Variants in BSND observed in about 807,000 individuals in gnomAD.
BSND encodes the protein barttin.
BSND carries 13 observed loss-of-function variants against 18.8 expected under a neutral mutation model. The observed-to-expected ratio is 0.69, with a 90% CI of 0.45 to 1.10. The LOEUF (loss-of-function observed/expected upper bound fraction) is 1.10, where lower values mean the gene tolerates loss of function less well. Ranked by LOEUF, BSND falls within the 50% of genes least tolerant of loss-of-function variation. BSND has a pLI of 0.00. For missense variants in BSND, 379 were observed against 416.7 expected (o/e 0.91, Z 0.79); for synonymous variants, 170 against 161.8 (o/e 1.05, Z -0.39).
chr1:55,008,427 A>G lies in BSND; in HGVS notation c.762A>G (p.Gln254=), dbSNP rs1392066843. Residue 254 remains glutamine (Q), a synonymous_variant, in exon 4 of 4, where the codon CAA becomes CAG. Transcript: ENST00000651561. ...CCCCAACGTTGGAGGATGAGCCCCAAGAGGGGCAGCAGTGGGAAATAGCCC... is the reference window on the plus strand; with the variant it reads ...CCCCAACGTTGGAGGATGAGCCCCAGGAGGGGCAGCAGTGGGAAATAGCCC... ...IDAPTLEDEP[Q]EGQQWEIALP... 6.2e-7 allele frequency: 1 copy of G among 1,614,206 alleles called. No homozygotes were observed. The highest frequency in any genetic ancestry group is 1.1e-5 in the South Asian group (1 of 91,080).
chr1:55,000,754 C>A (rs1250463913), intron 1 of BSND, among the ~76,000 whole-genome samples: 1 of 152,248 alleles, frequency 6.6e-6, no homozygotes, highest in South Asian at 2.1e-4. Context: ...CTGTGCAATT[C>A]CTTGAGCAGA....
At position 54,999,299 on chromosome 1, in the gene BSND, A is replaced by T. The variant is rs376575523; in HGVS notation, c.113A>T (p.Tyr38Phe). Residue 38 changes from tyrosine (Y) to phenylalanine (F), a missense_variant, in exon 1 of 4, where the codon TAT becomes TTT. Coordinates refer to ENST00000651561, the MANE Select transcript of BSND (RefSeq NM_057176.3). ...HDRPQVYGTF[Y>F]AMGSVMVIGG... Reference sequence around the variant, plus strand: ...CGGCCCCAGGTCTACGGCACCTTCTATGCCATGGGCAGCGTCATGGTGATC... The same window carrying T: ...CGGCCCCAGGTCTACGGCACCTTCTTTGCCATGGGCAGCGTCATGGTGATC... 1.2e-6 allele frequency: 2 copies of T among 1,613,826 alleles called. No individual in the cohort carries two copies. Among genetic ancestry groups the T allele is most frequent in the Admixed American group, 3.3e-5 (2 of 60,006 alleles).
Position 54,999,028 on chromosome 1 carries a change from C to A in BSND, c.-159C>A. On this transcript the variant is annotated 5_prime_UTR_variant, in exon 1 of 4. In the 5' UTR this introduces an upstream ATG that the reference lacks. Transcript: ENST00000651561. ...CCTGTTGAACTGGTGGGCCCAGGGA[C>A]TGGAGCGGGATTGAAAGGGATCTTG... The A allele has an allele frequency of 1.2e-6, 1 of 840,056 alleles. No individual in the cohort carries two copies. Among genetic ancestry groups the A allele is most frequent in the Non-Finnish European group, 1.8e-6 (1 of 540,826 alleles). The allele number at this position is 840,056 out of a possible 1,614,324, so 52.0% of individuals were successfully genotyped here.
rs763620250 is a variant in BSND, at chr1:54,999,261, C to T, written c.75C>T (p.Leu25=). The T allele has an allele frequency of 1.5e-5, 24 of 1,614,146 alleles. No individual in the cohort carries two copies. The East Asian group carries it at 4.0e-4, about 27-fold the overall frequency. The change falls in exon 1 of 4, where the codon CTC becomes CTT. Residue 25 remains leucine (L), a synonymous_variant. Coordinates refer to ENST00000651561, the MANE Select transcript of BSND (RefSeq NM_057176.3). ...TCCTGCTGGCCCTCGGTACGTTCCTCATGAGCCATGATCGGCCCCAGGTCT... is the reference window on the plus strand; with the variant it reads ...TCCTGCTGGCCCTCGGTACGTTCCTTATGAGCCATGATCGGCCCCAGGTCT... ...GLFLLALGTF[L]MSHDRPQVYG...
rs563130435 is a variant in BSND, at chr1:55,008,366, C to T, written c.701C>T (p.Pro234Leu). The change falls in exon 4 of 4, where the codon CCG (proline) becomes CTG (leucine). Residue 234 changes from proline (P) to leucine (L), a missense_variant. Physicochemically the swap from Pro to Leu is moderately conservative, Grantham distance 98. Transcript: ENST00000651561. ...PQQEPQGCRC[P>L]LDRFQDFALI... ...CAGGAACCTCAGGGCTGCAGGTGCCCGCTGGACCGCTTCCAAGACTTTGCC... is the reference window on the plus strand; with the variant it reads ...CAGGAACCTCAGGGCTGCAGGTGCCTGCTGGACCGCTTCCAAGACTTTGCC... The T allele has an allele frequency of 4.0e-5, 65 of 1,614,192 alleles. No homozygotes were observed. The highest frequency in any genetic ancestry group is 1.6e-4 in the Middle Eastern group (1 of 6,062).
rs1426323605 is a variant in BSND, at chr1:55,015,341, G to A, written c.*6713G>A. ...ACCACAAATCCAGCAGAGCAGGGCA[G>A]GGAACCCTGTGGCAGAGGCTGTTGC... On this transcript the variant is annotated 3_prime_UTR_variant, in exon 4 of 4. Transcript: ENST00000651561. Among the ~76,000 whole-genome samples the A allele has an allele frequency of 1.3e-5, 2 of 152,220 alleles. No individual in the cohort carries two copies. Among genetic ancestry groups the A allele is most frequent in the Non-Finnish European group, 2.9e-5 (2 of 68,032 alleles).
In BSND at chr1:55,008,671, C is replaced by A. The variant is rs755150850; in HGVS notation, c.*43C>A. 6.2e-7 allele frequency: 1 copy of A among 1,613,660 alleles called. No homozygotes were observed. The highest frequency in any genetic ancestry group is 1.1e-5 in the South Asian group (1 of 91,054). On this transcript the variant is annotated 3_prime_UTR_variant, in exon 4 of 4. Coordinates refer to ENST00000651561, the MANE Select transcript of BSND (RefSeq NM_057176.3). ...GCTTCTAGTCTGGAACTGCTGCTGA[C>A]CCCTGTGTGACATCACAGGGCCTCA...
chr1:55,005,091 A>T lies in BSND; in HGVS notation c.247A>T (p.Asn83Tyr). Residue 83 changes from asparagine (N) to tyrosine (Y), a missense_variant, in exon 2 of 4, where the codon AAT becomes TAT. Asn to Tyr is a moderately radical substitution (Grantham distance 143). Coordinates refer to ENST00000651561, the MANE Select transcript of BSND (RefSeq NM_057176.3). ...CCCAAAGGCCATGGGCCTGCTGGAG[A>T]ATGGGCTTGCTGCCGAGATGAAGAG... is the stretch of plus-strand genomic sequence containing the variant. ...LSPKAMGLLENGLAAEMKSPS... is the reference protein window; with the variant it reads ...LSPKAMGLLEYGLAAEMKSPS... 1 of 1,614,134 alleles carries T rather than the reference A, an allele frequency of 6.2e-7. No homozygotes were observed. Among genetic ancestry groups the T allele is most frequent in the Non-Finnish European group, 8.5e-7 (1 of 1,180,026 alleles).
rs754819005 is a variant in BSND, at chr1:55,008,409, G to A, written c.744G>A (p.Thr248=). The stretch of plus-strand genomic sequence containing the variant: ...ACTTTGCCCTGATTGATGCCCCAAC[G>A]TTGGAGGATGAGCCCCAAGAGGGGC... ...FQDFALIDAP[T]LEDEPQEGQQ... is the part of the protein sequence containing the mutation. Residue 248 remains threonine (T), a synonymous_variant, in exon 4 of 4, where the codon ACG becomes ACA. Coordinates refer to ENST00000651561, the MANE Select transcript of BSND (RefSeq NM_057176.3). 22 of 1,614,102 alleles carry A rather than the reference G, an allele frequency of 1.4e-5. No homozygotes were observed. The highest frequency in any genetic ancestry group is 7.7e-5 in the South Asian group (7 of 91,086).
rs143711308 is a variant in BSND at position 55,007,251 on chromosome 1, G to C, written c.527G>C (p.Arg176Pro). Residue 176 changes from arginine (R) to proline (P), a missense_variant, in exon 3 of 4, where the codon CGC (arginine) becomes CCC (proline). Physicochemically the swap from Arg to Pro is moderately radical, Grantham distance 103. Coordinates refer to ENST00000651561, the MANE Select transcript of BSND (RefSeq NM_057176.3). ...KGSDESEGER[R>P]LTQSWPGPLA... ...TCAGACGAGAGTGAAGGGGAAAGACGCCTAACTCAGAGCTGGCCCGGGTGA... is the reference window on the plus strand; with the variant it reads ...TCAGACGAGAGTGAAGGGGAAAGACCCCTAACTCAGAGCTGGCCCGGGTGA... 1.1e-5 allele frequency: 18 copies of C among 1,607,682 alleles called. No individual in the cohort carries two copies. Among genetic ancestry groups the C allele is most frequent in the Non-Finnish European group, 1.4e-5 (17 of 1,175,622 alleles).
rs755527408 is a variant in BSND, at chr1:55,007,287, G to A, written c.548+15G>A. 1 of 1,585,938 alleles carries A rather than the reference G, an allele frequency of 6.3e-7. No individual in the cohort carries two copies. Among genetic ancestry groups the A allele is most frequent in the East Asian group, 2.2e-5 (1 of 44,508 alleles). On this transcript the variant is annotated intron_variant, in intron 3 of 3. Transcript: ENST00000651561. ...AGCTGGCCCGGGTGAGTGCTTAGAGGGCAGGAGTGGGGCTTCTGCCCAGTT... is the reference window on the plus strand; with the variant it reads ...AGCTGGCCCGGGTGAGTGCTTAGAGAGCAGGAGTGGGGCTTCTGCCCAGTT...
chr1:54,999,267 C>G lies in BSND; in HGVS notation c.81C>G (p.Ser27Arg). The change falls in exon 1 of 4, where the codon AGC becomes AGG. Residue 27 changes from serine (S) to arginine (R), a missense_variant. Coordinates refer to ENST00000651561, the MANE Select transcript of BSND (RefSeq NM_057176.3). The part of the protein sequence containing the change: ...FLLALGTFLM[S>R]HDRPQVYGTF... ...TGGCCCTCGGTACGTTCCTCATGAG[C>G]CATGATCGGCCCCAGGTCTACGGCA... 2 of 1,614,150 alleles carry G rather than the reference C, an allele frequency of 1.2e-6. No individual in the cohort carries two copies. The highest frequency in any genetic ancestry group is 1.7e-6 in the Non-Finnish European group (2 of 1,180,036).
chr1:54,999,855 G>A (rs574893340), intron 1 of BSND, among the ~76,000 whole-genome samples: 1 of 152,294 alleles, frequency 6.6e-6, no homozygotes, highest in South Asian at 2.1e-4. Context: ...CCTTCACCTT[G>A]GGTCTTCTAC....
rs1418368342 is a variant in BSND at position 55,012,430 on chromosome 1, C to A, written c.*3802C>A. On this transcript the variant is annotated 3_prime_UTR_variant, in exon 4 of 4. Transcript: ENST00000651561. Reference sequence around the variant, plus strand: ...GACCTGGTTTTACCTTCAGCCTCAGCCAGTTCCTTGCTGTGTGGCCTTGGA... The same window carrying A: ...GACCTGGTTTTACCTTCAGCCTCAGACAGTTCCTTGCTGTGTGGCCTTGGA... Among the ~76,000 whole-genome samples, 1 of 152,204 alleles carries A rather than the reference C, an allele frequency of 6.6e-6. No individual in the cohort carries two copies. The highest frequency in any genetic ancestry group is 2.4e-5 in the African/African-American group (1 of 41,452).
At chr1:55,000,648 C>T (rs1052770527) in intron 1 of BSND, among the ~76,000 whole-genome samples, 4 of 152,240 alleles carry the variant, frequency 2.6e-5, no homozygotes, top group East Asian at 1.9e-4. Context: ...GCCCCCTCCA[C>T]GGGCCAACCC....
chr1:55,008,237 C>T lies in BSND; in HGVS notation c.572C>T (p.Pro191Leu), dbSNP rs1184835309. The T allele has an allele frequency of 3.1e-6, 5 of 1,614,194 alleles. No homozygotes were observed. The highest frequency in any genetic ancestry group is 4.2e-6 in the Non-Finnish European group (5 of 1,180,028). ...WPGPLACPQG[P>L]APLASFQDDL... The stretch of plus-strand genomic sequence containing the variant: ...AGCCCCCTGGCCTGTCCCCAGGGCC[C>T]TGCCCCCTTGGCTTCCTTCCAAGAT... Residue 191 changes from proline to leucine, a missense_variant, in exon 4 of 4, where the codon CCT (proline) becomes CTT (leucine). Coordinates refer to ENST00000651561, the MANE Select transcript of BSND (RefSeq NM_057176.3).
At chr1:54,999,891 C>T (rs1644353190) in intron 1 of BSND, among the ~76,000 whole-genome samples, 1 of 152,196 alleles carries the variant, frequency 6.6e-6, no homozygotes, top group Admixed American at 6.5e-5. Context: ...CGACTGAGAG[C>T]TCCAGGGTAG....
At position 55,016,601 on chromosome 1, in the gene BSND, G is replaced by GTTGT. The variant is rs71048724; in HGVS notation, c.*7983_*7986dup. On this transcript the variant is annotated 3_prime_UTR_variant, in exon 4 of 4. Coordinates refer to ENST00000651561, the MANE Select transcript of BSND (RefSeq NM_057176.3). ...TTATTCTAGTTTTGTTGTTGTTGTT[G>GTTGT]TTGTTTGTTTGTTGTTTTGAGACAA... Among the ~76,000 whole-genome samples, 84,025 of 151,290 alleles carry GTTGT rather than the reference G, an allele frequency of 0.56. 23,693 individuals carry two copies. The highest frequency in any genetic ancestry group is 0.61 in the African/African-American group (25,092 of 41,160).
At position 55,007,126 on chromosome 1, in the gene BSND, T is replaced by C. The variant is rs146647907; in HGVS notation, c.402T>C (p.Pro134=). Residue 134 remains proline (P), a synonymous_variant, in exon 3 of 4, where the codon CCT becomes CCC. Coordinates refer to ENST00000651561, the MANE Select transcript of BSND (RefSeq NM_057176.3). ...AGGACCACCGCTCCTTGCTGGCCCC[T>C]GAGATGGGGCAGCCGAAGCTGGGAA... The part of the protein sequence containing the change: ...YSEDHRSLLA[P]EMGQPKLGTS... The C allele has an allele frequency of 1.2e-6, 2 of 1,613,980 alleles. No individual in the cohort carries two copies. Among genetic ancestry groups the C allele is most frequent in the African/African-American group, 2.7e-5 (2 of 74,880 alleles).
Sources: allele counts gnomAD v4.1 joint callset (sites outside exome capture counted in the v4.1 genomes callset), GRCh38; gene constraint gnomAD v4.1.1; transcripts MANE v1.5; gene names NCBI Gene and HGNC (gene_info 2026-07-23, HGNC 2026-07-21).